POLR2E: variants seen among roughly 807,000 people sequenced by gnomAD.
The protein encoded by POLR2E is RNA polymerase II, I and III subunit E, also known as DNA-directed RNA polymerases I, II, and III subunit RPABC1.
Under a neutral mutation model 29.8 loss-of-function variants are expected in POLR2E, and 35 were observed. The observed-to-expected ratio is 1.17, with a 90% confidence interval of 0.90 to 1.55. The LOEUF (loss-of-function observed/expected upper bound fraction) is 1.55, where lower values mean the gene tolerates loss of function less well. POLR2E is among the 40% of genes most tolerant of loss of function. The pLI is 0.00. For missense variants in POLR2E, 287 were observed against 288.6 expected, an observed-to-expected ratio of 0.99 and a Z score of 0.04; for synonymous variants, 174 against 112.6, an observed-to-expected ratio of 1.55 and a Z score of -3.45.
chr19:1,087,891 C>G lies in POLR2E; in HGVS notation c.*844G>C, dbSNP rs564069430. 3 of 152,272 alleles carry G rather than the reference C, an allele frequency of 2.0e-5. No homozygotes were observed. The highest frequency in any genetic ancestry group is 2.0e-4 in the Admixed American group (3 of 15,264). The allele number at this position is 152,272 out of a possible 1,614,324, so 9.4% of individuals were successfully genotyped here. A position where few individuals can be genotyped will look rare whatever the true frequency, so the allele number is the denominator to read the frequency against. On this transcript the variant is annotated 3_prime_UTR_variant, in exon 8 of 8. Coordinates refer to ENST00000615234, the MANE Select transcript of POLR2E (RefSeq NM_002695.5). ...CTTCTGAAATCAGACAGTAAGCAAACGGGGAAGTAGAGCCAGATCCCAAAC... is the reference window on the plus strand; with the variant it reads ...CTTCTGAAATCAGACAGTAAGCAAAGGGGGAAGTAGAGCCAGATCCCAAAC...
intron 2 of POLR2E, 150 bp downstream of exon 2, chr19:1,093,754 A>C (rs1279107849): frequency 8.5e-6 from 12 of 1,413,722 alleles, no homozygotes; most frequent in Non-Finnish European, 1.1e-5. Context: ...GGCATCACCC[A>C]CAGCAAGGAA....
At chr19:1,093,440 A>AC (rs1302821445) in intron 2 of POLR2E, among the ~76,000 whole-genome samples, 2 of 151,592 alleles carry the variant, frequency 1.3e-5, no homozygotes, top group African/African-American at 4.8e-5. Flanking sequence ...AGCTCGAGGG[A>AC]CGAGTACCGG....
intron 2 of POLR2E, among the ~76,000 whole-genome samples, chr19:1,093,266 T>C (rs2043875659): frequency 6.6e-6 from 1 of 151,946 alleles, no homozygotes; most frequent in South Asian, 2.1e-4. Context: ...GTCACCCCAC[T>C]GATTAATTCT....
chr19:1,094,451 A>G (rs1036453075), intron 1 of POLR2E: 2 of 223,944 alleles, frequency 8.9e-6, no homozygotes, highest in East Asian at 2.1e-4. Context: ...AGGCTGAGGC[A>G]GGAGGGTTGC....
At chr19:1,092,263 G>C in intron 2 of POLR2E, 1 of 226,038 alleles carries the variant, frequency 4.4e-6, no homozygotes, top group Non-Finnish European at 9.0e-6. Flanking sequence ...CACACCCCAG[G>C]ACGCTCTCTT....
intron 2 of POLR2E, among the ~76,000 whole-genome samples, chr19:1,093,411 GAA>G (rs1006818416): frequency 2.7e-5 from 4 of 148,404 alleles, no homozygotes; most frequent in South Asian, 2.3e-4. Context: ...GGGGTCCTGG[GAA>G]AAGAGGCCCG....
chr19:1,090,334 G>C (rs1006755510), intron 4 of POLR2E, among the ~76,000 whole-genome samples, 189 bp from the exon 5 acceptor site: 1 of 151,792 alleles, frequency 6.6e-6, no homozygotes, highest in Non-Finnish European at 1.5e-5. Flanking sequence ...ACAGCTCCTG[G>C]GGCTTCTGAG....
Position 1,095,373 on chromosome 19 carries a change from A to C in POLR2E, c.-58T>G. On this transcript the variant is annotated 5_prime_UTR_variant, in exon 1 of 8. Transcript: ENST00000615234. The stretch of plus-strand genomic sequence containing the variant: ...CTTCTCCGCGCGAGAACCCGCGCGG[A>C]CTGCGCCTGCGCCGAATCCGAATCA... The C allele has an allele frequency of 6.2e-7, 1 of 1,604,158 alleles. No individual in the cohort carries two copies.
intron 3 of POLR2E, among the ~76,000 whole-genome samples, 180 bp from the exon 4 acceptor site, chr19:1,091,168 G>C (rs1412063211): frequency 6.6e-6 from 1 of 152,220 alleles, no homozygotes; most frequent in African/African-American, 2.4e-5. Flanking sequence ...CAGCCTCTCT[G>C]CTCATCGAGA....
At position 1,089,698 on chromosome 19, in the gene POLR2E, C is replaced by G. The variant is rs368230918; in HGVS notation, c.568-147G>C. 4.4e-5 allele frequency: 35 copies of G among 799,806 alleles called. No individual in the cohort carries two copies. In the East Asian group the frequency reaches 9.1e-4, roughly 21 times the overall value. 49.5% of individuals were successfully genotyped at this position (799,806 alleles called of 1,614,324 possible). A position where few individuals can be genotyped will look rare whatever the true frequency, so the allele number is the denominator to read the frequency against. On this transcript the variant is annotated intron_variant, in intron 6 of 7. Transcript: ENST00000615234. Reference sequence around the variant, plus strand: ...GCTGTGGGACCCGCTCCCTGGGAACCTGGGTCACGCTCTTCTCTGGGCCCA... The same window carrying G: ...GCTGTGGGACCCGCTCCCTGGGAACGTGGGTCACGCTCTTCTCTGGGCCCA...
rs1298215327 is a variant in POLR2E at position 1,086,659 on chromosome 19, A to T, written c.*2076T>A. ...TCTGTGGCAGCTGCAAGCTTAGAAG[A>T]TTTTCTGTGGCAGCTGCAAGCTTAG... is the stretch of plus-strand genomic sequence containing the variant. On this transcript the variant is annotated 3_prime_UTR_variant, in exon 8 of 8. Coordinates refer to ENST00000615234, the MANE Select transcript of POLR2E (RefSeq NM_002695.5). 6.7e-6 allele frequency: 1 copy of T among 149,762 alleles called. No homozygotes were observed. The highest frequency in any genetic ancestry group is 6.7e-5 in the Admixed American group (1 of 15,016). The allele number at this position is 149,762 out of a possible 1,614,324, so 9.3% of individuals were successfully genotyped here. A position where few individuals can be genotyped will look rare whatever the true frequency, so the allele number is the denominator to read the frequency against.
At chr19:1,092,834 T>C (rs1032773965) in intron 2 of POLR2E, among the ~76,000 whole-genome samples, 6 of 146,200 alleles carry the variant, frequency 4.1e-5, no homozygotes, top group South Asian at 2.1e-4. Flanking sequence ...TGAGCTGAGA[T>C]TGCGCCACTG....
Position 1,093,921 on chromosome 19 carries a change from A to T in POLR2E, c.215T>A (p.Met72Lys). 6.2e-7 allele frequency: 1 copy of T among 1,606,232 alleles called. No individual in the cohort carries two copies. Among genetic ancestry groups the T allele is most frequent in the East Asian group, 2.2e-5 (1 of 44,552 alleles). Residue 72 changes from methionine to lysine, a missense_variant, in exon 2 of 8, where the codon ATG (methionine) becomes AAG (lysine). Coordinates refer to ENST00000615234, the MANE Select transcript of POLR2E (RefSeq NM_002695.5). ...VAHNDDPTDQ[M>K]FVFFPEEPKV... ...CTGCTCACCTGGAAAGAACACAAAC[A>T]TCTGGTCGGTGGGGTCATCGTTGTG...
rs781264911 is a variant in POLR2E at position 1,095,226 on chromosome 19, G to GCGCCCC, written c.57+27_57+32dup. 24 of 1,607,656 alleles carry GCGCCCC rather than the reference G, an allele frequency of 1.5e-5. No individual in the cohort carries two copies. In the African/African-American group the frequency reaches 1.7e-4, roughly 12 times the overall value. ...CCTCGGGCCCCTACACCCGCCGCCC[G>GCGCCCC]CGCCCCCGCCCCCAACACCAGGCGC... is the stretch of plus-strand genomic sequence containing the variant. On this transcript the variant is annotated intron_variant, in intron 1 of 7. Coordinates refer to ENST00000615234, the MANE Select transcript of POLR2E (RefSeq NM_002695.5).
At chr19:1,095,200 A>AC (rs1315891201) in intron 1 of POLR2E, 59 bp downstream of exon 1, 1 of 1,542,144 alleles carries the variant, frequency 6.5e-7, no homozygotes, top group African/African-American at 1.4e-5. Flanking sequence ...GCTCGACCCC[A>AC]CCTCGGGCCC....
intron 2 of POLR2E, among the ~76,000 whole-genome samples, chr19:1,093,311 C>T (rs1233993705): frequency 2.0e-5 from 3 of 152,270 alleles, no homozygotes; most frequent in Non-Finnish European, 2.9e-5. Context: ...CGCTTGCAAT[C>T]CCCCAACCGC....
intron 1 of POLR2E, chr19:1,094,419 C>T (rs2043900106): frequency 1.4e-5 from 4 of 280,112 alleles, no homozygotes; most frequent in Non-Finnish European, 2.7e-5. Context: ...GAGGCTCACG[C>T]CCGTGATCCC....
chr19:1,094,965 C>T (rs1322533185), intron 1 of POLR2E: 1 of 451,910 alleles, frequency 2.2e-6, no homozygotes, highest in Non-Finnish European at 3.9e-6. Flanking sequence ...CGCCCCCCGT[C>T]CCCATTCGCG....
chr19:1,089,994 G>A (rs1234827922), intron 5 of POLR2E, 32 bp from the exon 6 acceptor site: 5 of 1,552,492 alleles, frequency 3.2e-6, no homozygotes, highest in Admixed American at 1.7e-5. Context: ...ATGCCAGACA[G>A]GGCCGTTGGG....
Sources: allele counts gnomAD v4.1 joint callset (sites outside exome capture counted in the v4.1 genomes callset), GRCh38; gene constraint gnomAD v4.1.1; transcripts MANE v1.5; gene names NCBI Gene and HGNC (gene_info 2026-07-23, HGNC 2026-07-21).